Variants in CADPS2 observed in about 807,000 individuals in gnomAD.
CADPS2 encodes calcium-dependent secretion activator 2.
A neutral mutation model predicts 172.5 loss-of-function variants in CADPS2; 93 were observed. The observed-to-expected ratio is 0.54, with a 90% CI of 0.46 to 0.64. The LOEUF is 0.64. Among genes scored for constraint, CADPS2 ranks in the 30% least tolerant of loss-of-function variants. The pLI is 0.00. For missense variants in CADPS2, 1,420 were observed against 1,565.9 expected (o/e 0.91, Z 1.57); for synonymous variants, 546 against 555.2 (o/e 0.98, Z 0.23).
At chr7:122,598,135 G>T in intron 6 of CADPS2, among the ~76,000 whole-genome samples, 1 of 151,830 alleles carries the variant, frequency 6.6e-6, no homozygotes. Flanking sequence ...TATTTCCATA[G>T]GCAAAAGTCA....
intron 1 of CADPS2, among the ~76,000 whole-genome samples, chr7:122,816,449 T>C (rs978163549): frequency 3.3e-5 from 5 of 152,220 alleles, no homozygotes; most frequent in African/African-American, 1.2e-4. Context: ...AGTGGACATT[T>C]ACGTTGATTC....
chr7:122,705,135 C>A (rs937551065), intron 2 of CADPS2, among the ~76,000 whole-genome samples: 1 of 151,794 alleles, frequency 6.6e-6, no homozygotes, highest in Non-Finnish European at 1.5e-5. Flanking sequence ...CTCTAGTTTT[C>A]CCTGGAATAG....
intron 7 of CADPS2, among the ~76,000 whole-genome samples, chr7:122,560,035 AAG>A (rs1418872083): frequency 1.3e-5 from 2 of 152,116 alleles, no homozygotes; most frequent in Admixed American, 6.5e-5. Flanking sequence ...CTGGTTAAAA[AAG>A]AGAGAGGTGA....
intron 11 of CADPS2, among the ~76,000 whole-genome samples, chr7:122,485,665 G>C (rs1165299096): frequency 6.6e-6 from 1 of 152,188 alleles, no homozygotes; most frequent in Non-Finnish European, 1.5e-5. Context: ...TTATCCAAAA[G>C]ATCCAGCTAA....
intron 14 of CADPS2, 33 bp downstream of exon 14, chr7:122,471,342 T>A (rs765566095): frequency 1.0e-5 from 14 of 1,401,824 alleles, no homozygotes; most frequent in Non-Finnish European, 1.3e-5. Flanking sequence ...GTCAACCCCA[T>A]ACATTTCACT....
chr7:122,859,004 T>TA (rs944182499), intron 1 of CADPS2, among the ~76,000 whole-genome samples: 41 of 151,792 alleles, frequency 2.7e-4, no homozygotes, highest in African/African-American at 8.0e-4. Flanking sequence ...GCCAGGCATA[T>TA]AAAAAAAAAT....
At chr7:122,717,445 AC>A (rs1458373136) in intron 2 of CADPS2, among the ~76,000 whole-genome samples, 11 of 152,190 alleles carry the variant, frequency 7.2e-5, no homozygotes, top group African/African-American at 2.7e-4. Flanking sequence ...AAAAATGTTT[AC>A]AAAAATTATA....
intron 20 of CADPS2, among the ~76,000 whole-genome samples, chr7:122,406,610 G>T (rs1268082191): frequency 1.3e-5 from 2 of 152,170 alleles, no homozygotes; most frequent in Non-Finnish European, 2.9e-5. Context: ...GTAAGGTGAT[G>T]AGAATGGCAA....
chr7:122,380,945 A>AGAAGACAG (rs1462660280), intron 24 of CADPS2, among the ~76,000 whole-genome samples: 9 of 152,194 alleles, frequency 5.9e-5, no homozygotes, highest in Middle Eastern at 6.8e-3. Context: ...AAAAGGGGAG[A>AGAAGACAG]GAAGACAGAA....
chr7:122,624,702 G>A (rs1420337930), intron 4 of CADPS2, among the ~76,000 whole-genome samples: 4 of 152,174 alleles, frequency 2.6e-5, no homozygotes, highest in Admixed American at 2.0e-4. Flanking sequence ...AAGGGAGGGA[G>A]TCTACAAATA....
intron 7 of CADPS2, among the ~76,000 whole-genome samples, chr7:122,578,539 C>T (rs1223694316): frequency 2.6e-5 from 4 of 152,048 alleles, no homozygotes; most frequent in African/African-American, 4.8e-5. Flanking sequence ...TAGCCCTGCA[C>T]CCCTGGGGTT....
At chr7:122,375,609 C>T (rs1240687808) in intron 25 of CADPS2, among the ~76,000 whole-genome samples, 2 of 152,018 alleles carry the variant, frequency 1.3e-5, no homozygotes, top group Non-Finnish European at 2.9e-5. Context: ...CAACTAAACA[C>T]CATCAAGTAA....
chr7:122,430,291 G>A (rs765851518), intron 17 of CADPS2, among the ~76,000 whole-genome samples: 4 of 152,150 alleles, frequency 2.6e-5, no homozygotes, highest in African/African-American at 4.8e-5. Flanking sequence ...CTCATGTCCA[G>A]GCAAGTCCTA....
At chr7:122,530,505 A>G (rs781508725) in intron 8 of CADPS2, among the ~76,000 whole-genome samples, 2 of 152,118 alleles carry the variant, frequency 1.3e-5, no homozygotes, top group Admixed American at 1.3e-4. Context: ...CATTTTCCTT[A>G]TAACAACTTA....
rs374459325 is a variant in CADPS2 at position 122,432,340 on chromosome 7, TAGAA to T, written c.2476+5997_2476+6000del. On this transcript the variant is annotated intron_variant, in intron 17 of 29. Coordinates refer to ENST00000449022, the MANE Select transcript of CADPS2 (RefSeq NM_017954.11). ...TAAGCAACTAATGAAGCAGTATAAA[TAGAA>T]AGCCTTTGGGACAGGCCAGGCACTG... Among the ~76,000 whole-genome samples, 24 of 152,190 alleles carry T rather than the reference TAGAA, an allele frequency of 1.6e-4. No individual in the cohort carries two copies. In the East Asian group the frequency reaches 4.5e-3, roughly 28 times the overall value.
At chr7:122,833,133 T>C (rs887747050) in intron 1 of CADPS2, among the ~76,000 whole-genome samples, 3 of 152,198 alleles carry the variant, frequency 2.0e-5, no homozygotes, top group Non-Finnish European at 4.4e-5. Context: ...GTAACATGTT[T>C]GTTTTACCTA....
chr7:122,454,512 T>G (rs1314941244), intron 14 of CADPS2, among the ~76,000 whole-genome samples: 2 of 151,966 alleles, frequency 1.3e-5, no homozygotes, highest in Non-Finnish European at 2.9e-5. Context: ...AATAATGGAG[T>G]ATTTTGAATA....
intron 6 of CADPS2, among the ~76,000 whole-genome samples, chr7:122,583,217 C>T (rs1355813796): frequency 6.6e-6 from 1 of 151,946 alleles, no homozygotes; most frequent in African/African-American, 2.4e-5. Flanking sequence ...CTCATTTATG[C>T]ATTAAAATAT....
intron 1 of CADPS2, among the ~76,000 whole-genome samples, chr7:122,748,437 CTTTATGT>C (rs2092811611): frequency 6.6e-6 from 1 of 152,062 alleles, no homozygotes; most frequent in Non-Finnish European, 1.5e-5. Context: ...GAAACAGTGA[CTTTATGT>C]TTATCACAAA....
Sources: gnomAD v4.1 joint callset for allele counts (sites outside exome capture counted in the v4.1 genomes callset) on GRCh38, gnomAD v4.1.1 for gene constraint, MANE v1.5 for transcripts, NCBI Gene and HGNC (gene_info 2026-07-23, HGNC 2026-07-21) for gene names.